Variants in ASPSCR1 observed in about 807,000 individuals in gnomAD.
The protein encoded by ASPSCR1 is ASPSCR1 tether for SLC2A4, UBX domain containing.
Under a neutral mutation model 68.9 loss-of-function variants are expected in ASPSCR1, and 55 were observed. That is an observed-to-expected ratio of 0.80 (90% CI 0.64 to 1.00). The LOEUF is 1.00. ASPSCR1 is among the 50% of genes least tolerant of loss of function. ASPSCR1 has a pLI of 0.00. For synonymous variants in ASPSCR1, 352 were observed against 332.6 expected (o/e 1.06, Z -0.63); for missense variants, 765 against 762.2 (o/e 1.00, Z -0.04).
chr17:81,977,694 C>A lies in ASPSCR1; in HGVS notation c.48C>A (p.Ala16=). Residue 16 remains alanine (A), a synonymous_variant, in exon 1 of 16, where the codon GCC becomes GCA. Coordinates refer to ENST00000306739, the MANE Select transcript of ASPSCR1 (RefSeq NM_024083.4). This position sits in a 1 kb window ranked among gnomAD's most constrained non-coding sequence, Gnocchi z 5.0. ...GGGGSAVSVL[A]PNGRRHTVKV... ...GAGGCTCCGCGGTGTCGGTGCTGGCCCCGAACGGCCGGCGCCACACGGTGA... is the reference window on the plus strand; with the variant it reads ...GAGGCTCCGCGGTGTCGGTGCTGGCACCGAACGGCCGGCGCCACACGGTGA... 1 of 1,374,514 alleles carries A rather than the reference C, an allele frequency of 7.3e-7. No individual in the cohort carries two copies. The highest frequency in any genetic ancestry group is 9.5e-7 in the Non-Finnish European group (1 of 1,057,008). The allele number at this position is 1,374,514 out of a possible 1,614,324, so 85.1% of individuals were successfully genotyped here.
At chr17:82,010,490 C>T (rs1479020343) in intron 9 of ASPSCR1, among the ~76,000 whole-genome samples, 1 of 148,296 alleles carries the variant, frequency 6.7e-6, no homozygotes, top group Non-Finnish European at 1.5e-5. Context: ...GATCATGCCA[C>T]TGCACTCCAG....
At chr17:82,001,588 G>A (rs899654380) in intron 7 of ASPSCR1, among the ~76,000 whole-genome samples, 1 of 152,200 alleles carries the variant, frequency 6.6e-6, no homozygotes, top group Non-Finnish European at 1.5e-5. Context: ...AACCCCGGGG[G>A]GTAGGGGGTG....
intron 7 of ASPSCR1, chr17:82,004,253 C>G (rs575467276): frequency 2.0e-5 from 3 of 152,356 alleles, no homozygotes; most frequent in African/African-American, 7.2e-5. Flanking sequence ...TGTGAGGCCG[C>G]GCGCCCGCAG....
Position 82,010,970 on chromosome 17 carries a change from C to T in ASPSCR1, c.1237+102C>T, listed in dbSNP as rs1203080264. The T allele has an allele frequency of 4.0e-5, 56 of 1,399,988 alleles. 1 individual carries two copies. The highest frequency in any genetic ancestry group is 3.8e-5 in the Admixed American group (2 of 53,168). The allele number at this position is 1,399,988 out of a possible 1,614,324, so 86.7% of individuals were successfully genotyped here. A position where few individuals can be genotyped will look rare whatever the true frequency, so the allele number is the denominator to read the frequency against. On this transcript the variant is annotated intron_variant, in intron 10 of 15. Coordinates refer to ENST00000306739, the MANE Select transcript of ASPSCR1 (RefSeq NM_024083.4). Reference sequence around the variant, plus strand: ...CACAGGACTGCAGCCACCTGGCCTGCGGGCTCCAGGGCACTGGGTGGGTGC... The same window carrying T: ...CACAGGACTGCAGCCACCTGGCCTGTGGGCTCCAGGGCACTGGGTGGGTGC...
At chr17:82,010,728 G>T (rs893340232) in intron 9 of ASPSCR1, 74 bp from the exon 10 acceptor site, 16 of 1,500,708 alleles carry the variant, frequency 1.1e-5, no homozygotes, top group East Asian at 2.3e-5. Flanking sequence ...AGCATGGGCC[G>T]AGTGGGGAGG....
At chr17:82,004,059 G>A (rs955681635) in intron 7 of ASPSCR1, among the ~76,000 whole-genome samples, 12 of 152,228 alleles carry the variant, frequency 7.9e-5, no homozygotes, top group East Asian at 1.9e-4. Context: ...GGCCACCTCC[G>A]AATGGGTTCA....
At chr17:81,996,197 TG>T in intron 6 of ASPSCR1, 132 bp downstream of exon 6, 1 of 1,314,870 alleles carries the variant, frequency 7.6e-7, no homozygotes, top group Non-Finnish European at 1.0e-6. Context: ...GAGCGCCTGG[TG>T]GCCTCTGCCT....
rs949772736 is a variant in ASPSCR1 at position 81,983,400 on chromosome 17, G to C, written c.159-154G>C. Among the ~76,000 whole-genome samples, 2 of 152,146 alleles carry C rather than the reference G, an allele frequency of 1.3e-5. No individual in the cohort carries two copies. Among genetic ancestry groups the C allele is most frequent in the Admixed American group, 1.3e-4 (2 of 15,276 alleles). On this transcript the variant is annotated intron_variant, in intron 2 of 15. Transcript: ENST00000306739. This position sits in a 1 kb window ranked among gnomAD's most constrained non-coding sequence, Gnocchi z 4.4. Reference sequence around the variant, plus strand: ...GGGGACCCGCCTTGTGCCTCTGCAGGTCATGACGTCCCGCTGTTGGGGAGC... The same window carrying C: ...GGGGACCCGCCTTGTGCCTCTGCAGCTCATGACGTCCCGCTGTTGGGGAGC...
intron 1 of ASPSCR1, chr17:81,978,928 ACTG>A: frequency 1.8e-6 from 1 of 565,086 alleles, no homozygotes; most frequent in South Asian, 2.0e-5. Context: ...GTGTTGCTGT[ACTG>A]CAGGGGAACT....
In ASPSCR1 at chr17:81,996,020, C is replaced by T. The variant is rs372730667; in HGVS notation, c.461C>T (p.Thr154Met). ...EVTGEAALRG[T>M]TLQSLGLTGG... ...ACGGGTGAAGCTGCCCTGCGGGGCACGACGCTGCAGTCGCTGGGCCTGACC... is the reference window on the plus strand; with the variant it reads ...ACGGGTGAAGCTGCCCTGCGGGGCATGACGCTGCAGTCGCTGGGCCTGACC... The change falls in exon 6 of 16, where the codon ACG becomes ATG. Residue 154 changes from threonine (T) to methionine (M), a missense_variant. Thr to Met is a moderately conservative substitution (Grantham distance 81). Transcript: ENST00000306739. 86 of 1,610,300 alleles carry T rather than the reference C, an allele frequency of 5.3e-5. No individual in the cohort carries two copies. Among genetic ancestry groups the T allele is most frequent in the Middle Eastern group, 3.3e-4 (2 of 6,016 alleles).
At chr17:81,981,918 G>T (rs974268434) in intron 2 of ASPSCR1, among the ~76,000 whole-genome samples, 1 of 152,146 alleles carries the variant, frequency 6.6e-6, no homozygotes, top group African/African-American at 2.4e-5. Context: ...CGCCCGTCTT[G>T]GCCTCCCAAA....
intron 4 of ASPSCR1, among the ~76,000 whole-genome samples, chr17:81,985,906 G>A (rs1007949840): frequency 2.0e-5 from 3 of 152,120 alleles, no homozygotes; most frequent in African/African-American, 7.2e-5. Flanking sequence ...GAGCACTAAG[G>A]GGAGACGTTC....
chr17:82,012,394 A>T (rs2042980654), intron 12 of ASPSCR1, 111 bp downstream of exon 12: 1 of 1,321,864 alleles, frequency 7.6e-7, no homozygotes, highest in Non-Finnish European at 1.1e-6. Flanking sequence ...CTGGGGCAGG[A>T]TAATAAAGCC....
intron 10 of ASPSCR1, 31 bp downstream of exon 10, chr17:82,010,899 G>T: frequency 1.2e-6 from 2 of 1,605,550 alleles, no homozygotes; most frequent in Non-Finnish European, 1.7e-6. Context: ...TCCGGGGATG[G>T]GGGGCAGGGG....
chr17:82,009,247 G>C (rs1319124688), intron 8 of ASPSCR1, 56 bp downstream of exon 8: 45 of 1,522,830 alleles, frequency 3.0e-5, no homozygotes, highest in Non-Finnish European at 4.0e-5. Flanking sequence ...GCCCCATCGG[G>C]TGCTTGTGCT....
Position 81,977,897 on chromosome 17 carries a change from G to A in ASPSCR1, c.102+149G>A. ...TGAGCGGCGGCCCCGCCCCCTGCTC[G>A]CCGTCACCTGCGCTTCCGCTGGGGT... On this transcript the variant is annotated intron_variant, in intron 1 of 15. Coordinates refer to ENST00000306739, the MANE Select transcript of ASPSCR1 (RefSeq NM_024083.4). This position sits in a 1 kb window ranked among gnomAD's most constrained non-coding sequence, Gnocchi z 5.0. The A allele has an allele frequency of 6.1e-6, 3 of 490,728 alleles. No homozygotes were observed. Among genetic ancestry groups the A allele is most frequent in the Non-Finnish European group, 9.1e-6 (3 of 329,810 alleles). 30.4% of individuals were successfully genotyped at this position (490,728 alleles called of 1,614,324 possible).
intron 4 of ASPSCR1, among the ~76,000 whole-genome samples, chr17:81,985,832 C>G (rs1053260304): frequency 2.0e-5 from 3 of 152,166 alleles, no homozygotes; most frequent in African/African-American, 7.2e-5. Context: ...TTCCTGGGCC[C>G]AGCGGCCCAG....
At chr17:81,985,431 G>C in intron 3 of ASPSCR1, 76 bp from the exon 4 acceptor site, 2 of 1,486,166 alleles carry the variant, frequency 1.3e-6, no homozygotes, top group Non-Finnish European at 1.9e-6. Flanking sequence ...CTCTGTGTCT[G>C]GAGAATCAGT....
chr17:81,985,127 TGCAC>T (rs2041950022), intron 3 of ASPSCR1, among the ~76,000 whole-genome samples: 1 of 133,760 alleles, frequency 7.5e-6, no homozygotes, highest in South Asian at 2.5e-4. Flanking sequence ...CATGTAAACA[TGCAC>T]ACACACGCAC....
Sources: allele counts gnomAD v4.1 joint callset (sites outside exome capture counted in the v4.1 genomes callset), GRCh38; gene constraint gnomAD v4.1.1; non-coding constraint Gnocchi (gnomAD v3.1); transcripts MANE v1.5; gene names NCBI Gene and HGNC (gene_info 2026-07-23, HGNC 2026-07-21).